The following COL4A1 variants were observed in gnomAD, a reference collection of about 807,000 sequenced individuals.
The protein encoded by COL4A1 is collagen type IV alpha 1 chain.
Under a neutral mutation model 216.6 loss-of-function variants are expected in COL4A1, and 40 were observed. That is an observed-to-expected ratio of 0.18 (90% CI 0.14 to 0.24). COL4A1 has a LOEUF of 0.24. Among genes scored for constraint, COL4A1 ranks in the 10% least tolerant of loss-of-function variants. COL4A1 has a pLI of 1.00. For missense variants in COL4A1, 1,628 were observed against 2,196.8 expected, an observed-to-expected ratio of 0.74 and a Z score of 5.18; for synonymous variants, 839 against 810.7, an observed-to-expected ratio of 1.03 and a Z score of -0.59.
chr13:110,294,476 AC>A (rs1439732827), intron 1 of COL4A1, among the ~76,000 whole-genome samples: 1 of 152,110 alleles, frequency 6.6e-6, no homozygotes, highest in Non-Finnish European at 1.5e-5. Flanking sequence ...TCCACTCTAA[AC>A]CCAAGTGGTA....
intron 18 of COL4A1, 159 bp from the exon 19 acceptor site, chr13:110,201,681 AG>A: frequency 1.3e-6 from 1 of 793,512 alleles, no homozygotes; most frequent in Non-Finnish European, 2.2e-6. Context: ...GAAGGGGATA[AG>A]CCTCTAAAAC....
intron 1 of COL4A1, among the ~76,000 whole-genome samples, chr13:110,261,054 AGG>A (rs1882803788): frequency 6.7e-6 from 1 of 148,414 alleles, no homozygotes; most frequent in Non-Finnish European, 1.5e-5. Flanking sequence ...AAAAAAAAAA[AGG>A]CCAAAATAGT....
intron 2 of COL4A1, among the ~76,000 whole-genome samples, chr13:110,232,797 C>T (rs916869089): frequency 5.3e-5 from 8 of 151,944 alleles, no homozygotes; most frequent in African/African-American, 1.9e-4. Context: ...GAAACAGAAT[C>T]GGCTCCCTAT....
At position 110,186,452 on chromosome 13, in the gene COL4A1, A is replaced by G. The variant is rs946563506; in HGVS notation, c.1830T>C (p.Pro610=). 3.1e-6 allele frequency: 5 copies of G among 1,613,868 alleles called. No homozygotes were observed. The highest frequency in any genetic ancestry group is 3.4e-6 in the Non-Finnish European group (4 of 1,180,008). ...GTCCTTTGTCACCAATGGGACCAGC[A>G]GGACCATATCCTGGAGGCCCAGGGG... is the stretch of plus-strand genomic sequence containing the variant. The part of the protein sequence containing the change: ...TGPPGPPGYG[P]AGPIGDKGQA... The change falls in exon 26 of 52, where the codon CCT becomes CCC. Residue 610 remains proline, a synonymous_variant. Transcript: ENST00000375820.
intron 1 of COL4A1, among the ~76,000 whole-genome samples, chr13:110,283,991 C>A (rs941408877): frequency 6.6e-6 from 1 of 152,070 alleles, no homozygotes; most frequent in Non-Finnish European, 1.5e-5. Flanking sequence ...AGCAAAGGGT[C>A]TGTCCGGTGA....
intron 1 of COL4A1, among the ~76,000 whole-genome samples, chr13:110,250,514 G>T (rs1299908144): frequency 6.6e-6 from 1 of 152,150 alleles, no homozygotes. Context: ...ACTAAACGGG[G>T]GTGGACATTA....
In COL4A1 at chr13:110,213,830, G is replaced by A; in HGVS notation, c.235-4C>T. ...GTCCTGGTTCTCCAGTATCACCCTG[G>A]AACAGAATAGAAATGCCATTGTCAT... On this transcript the variant is annotated splice_polypyrimidine_tract_variant and splice_region_variant and intron_variant, in intron 3 of 51. Coordinates refer to ENST00000375820, the MANE Select transcript of COL4A1 (RefSeq NM_001845.6). 1 of 1,614,054 alleles carries A rather than the reference G, an allele frequency of 6.2e-7. No homozygotes were observed. The highest frequency in any genetic ancestry group is 8.5e-7 in the Non-Finnish European group (1 of 1,179,960).
chr13:110,256,745 G>A (rs531815839), intron 1 of COL4A1, among the ~76,000 whole-genome samples: 7 of 98,360 alleles, frequency 7.1e-5, no homozygotes, highest in East Asian at 5.6e-4. Flanking sequence ...GACCGGCGGC[G>A]GGGGGGTCTA....
At chr13:110,191,745 G>C (rs1594565488) in intron 24 of COL4A1, 1 of 625,864 alleles carries the variant, frequency 1.6e-6, no homozygotes, top group Non-Finnish European at 2.8e-6. Context: ...TGCTTTCCTT[G>C]ATCTTTTCAT....
At position 110,205,382 on chromosome 13, in the gene COL4A1, G is replaced by T; in HGVS notation, c.928C>A (p.Pro310Thr). The change falls in exon 17 of 52, where the codon CCA (proline) becomes ACA (threonine). Residue 310 changes from proline (P) to threonine (T), a missense_variant. Physicochemically the swap from Pro to Thr is conservative, Grantham distance 38 (BLOSUM62 -1). Around this residue, in one of 8 missense-constraint regions of COL4A1, gnomAD observed 701 missense variants for 892.5 expected, o/e 0.79. Transcript: ENST00000375820. ...GGGCCCTGGCGGCCTATGAGTCCTG[G>T]GTACCCGGGTTCACCAGGAAAACCC... ...SPGFPGEPGY[P>T]GLIGRQGPQG... is the part of the protein sequence containing the mutation. 1 of 1,614,098 alleles carries T rather than the reference G, an allele frequency of 6.2e-7. No individual in the cohort carries two copies. The highest frequency in any genetic ancestry group is 2.2e-5 in the East Asian group (1 of 44,864).
At position 110,152,377 on chromosome 13, in the gene COL4A1, A is replaced by C; in HGVS notation, c.4885T>G (p.Tyr1629Asp). ...RGTCNYYANA[Y>D]SFWLATIERS... ...TCTATGGTGGCGAGCCAAAAGCTGT[A>C]AGCGTTTGCGTAGTAATTGCAGGTC... The change falls in exon 51 of 52, where the codon TAC becomes GAC. Residue 1629 changes from tyrosine to aspartate, a missense_variant. Tyr to Asp is a radical substitution (Grantham distance 160). Transcript: ENST00000375820. 2.5e-6 allele frequency: 4 copies of C among 1,614,218 alleles called. No individual in the cohort carries two copies. Among genetic ancestry groups the C allele is most frequent in the Non-Finnish European group, 3.4e-6 (4 of 1,180,036 alleles).
intron 1 of COL4A1, 82 bp from the exon 2 acceptor site, chr13:110,242,816 C>T (rs1271713132): frequency 6.1e-6 from 9 of 1,470,146 alleles, no homozygotes; most frequent in Non-Finnish European, 8.6e-6. Flanking sequence ...GTTCTGGCAT[C>T]TTGACTTGTT....
In COL4A1 at chr13:110,252,440, T is replaced by C. The variant is rs1309995718; in HGVS notation, c.85-9706A>G. Among the ~76,000 whole-genome samples, 33 of 114,946 alleles carry C rather than the reference T, an allele frequency of 2.9e-4. 1 individual carries two copies. Among genetic ancestry groups the C allele is most frequent in the Non-Finnish European group, 1.7e-5 (1 of 58,578 alleles). 75.4% of individuals were successfully genotyped at this position (114,946 alleles called of 152,430 possible). A position where few individuals can be genotyped will look rare whatever the true frequency, so the allele number is the denominator to read the frequency against. On this transcript the variant is annotated intron_variant, in intron 1 of 51. Transcript: ENST00000375820. ...TGTATATGTATTATATATGTATAAT[T>C]ATACGTATATGTATTATATACATAT...
At chr13:110,260,210 CAAAG>C (rs985624837) in intron 1 of COL4A1, among the ~76,000 whole-genome samples, 5 of 152,106 alleles carry the variant, frequency 3.3e-5, no homozygotes, top group East Asian at 1.9e-4. Flanking sequence ...TGGCAGAAGA[CAAAG>C]GAAGAGCAAA....
At chr13:110,266,251 A>G (rs1254573970) in intron 1 of COL4A1, 1 of 152,300 alleles carries the variant, frequency 6.6e-6, no homozygotes, top group African/African-American at 2.4e-5. Flanking sequence ...CACAGACGGC[A>G]GCATCCACAC....
chr13:110,251,426 C>G (rs1230536882), intron 1 of COL4A1, among the ~76,000 whole-genome samples: 1 of 152,258 alleles, frequency 6.6e-6, no homozygotes, highest in Admixed American at 6.5e-5. Context: ...AGTGCCCAGT[C>G]ATACTTATCT....
At chr13:110,185,037 A>C (rs144153725) in intron 26 of COL4A1, among the ~76,000 whole-genome samples, 112 of 152,362 alleles carry the variant, frequency 7.4e-4, no homozygotes, top group East Asian at 1.7e-3. Context: ...AACAGGCTCA[A>C]TATGGTTATT....
At chr13:110,226,454 G>A (rs1036429748) in intron 2 of COL4A1, among the ~76,000 whole-genome samples, 3 of 152,172 alleles carry the variant, frequency 2.0e-5, no homozygotes, top group Non-Finnish European at 4.4e-5. Flanking sequence ...CAAGTTACTT[G>A]TCTGTATCTT....
intron 1 of COL4A1, among the ~76,000 whole-genome samples, chr13:110,295,422 CTTTTTTTTTTTT>C (rs5806848): frequency 3.3e-4 from 29 of 88,186 alleles, no homozygotes; most frequent in Non-Finnish European, 5.8e-4. Context: ...AGTTCACTTC[CTTTTTTTTTTTT>C]TTTTTTTTTT....
Sources: gnomAD v4.1 joint callset for allele counts (sites outside exome capture counted in the v4.1 genomes callset) on GRCh38, gnomAD v4.1.1 for gene constraint, gnomAD v4.1.1 regional missense constraint, MANE v1.5 for transcripts, NCBI Gene and HGNC (gene_info 2026-07-23, HGNC 2026-07-21) for gene names.